The following TMEM74 variants were observed in gnomAD, a reference collection of about 807,000 sequenced individuals.
The protein encoded by TMEM74 is transmembrane protein 74.
Under a neutral mutation model 18.1 loss-of-function variants are expected in TMEM74, and 13 were observed. That is an observed-to-expected ratio of 0.72 (90% confidence interval 0.47 to 1.14). The LOEUF (loss-of-function observed/expected upper bound fraction) is 1.14. Among genes scored for constraint, TMEM74 ranks in the 50% most tolerant of loss-of-function variants. TMEM74 has a pLI of 0.00. For synonymous variants in TMEM74, 159 were observed against 146.6 expected, an observed-to-expected ratio of 1.08 and a Z score of -0.61; for missense variants, 372 against 375.9, an observed-to-expected ratio of 0.99 and a Z score of 0.09.
chr8:108,719,228 C>T (rs1293600943), intron 1 of TMEM74, among the ~76,000 whole-genome samples: 2 of 151,918 alleles, frequency 1.3e-5, no homozygotes, highest in African/African-American at 4.8e-5. Flanking sequence ...CAAACATTTA[C>T]AAAAATGGGA....
intron 1 of TMEM74, among the ~76,000 whole-genome samples, chr8:108,697,714 T>C (rs544648923): frequency 6.6e-6 from 1 of 152,336 alleles, no homozygotes; most frequent in South Asian, 2.1e-4. Context: ...AATTCCTTCT[T>C]ACTATGTGAA....
At chr8:108,695,667 C>G (rs1020711834) in intron 1 of TMEM74, among the ~76,000 whole-genome samples, 1 of 152,148 alleles carries the variant, frequency 6.6e-6, no homozygotes, top group South Asian at 2.1e-4. Context: ...GCACACTACA[C>G]CCCACCTTGA....
chr8:108,745,181 CT>C (rs1813837356), intron 1 of TMEM74, among the ~76,000 whole-genome samples: 1 of 152,098 alleles, frequency 6.6e-6, no homozygotes, highest in African/African-American at 2.4e-5. Flanking sequence ...GACCACTCTC[CT>C]AATTTCCCCA....
At chr8:108,649,318 A>T (rs904242615) in intron 2 of TMEM74, among the ~76,000 whole-genome samples, 1 of 152,194 alleles carries the variant, frequency 6.6e-6, no homozygotes, top group Non-Finnish European at 1.5e-5. Flanking sequence ...TCAGCTTTAC[A>T]TGACATTCAA....
chr8:108,637,126 C>G (rs1014163275), intron 2 of TMEM74, among the ~76,000 whole-genome samples: 4 of 152,066 alleles, frequency 2.6e-5, no homozygotes, highest in African/African-American at 9.7e-5. Flanking sequence ...ATTATATTCT[C>G]TAATTTGAGG....
intron 1 of TMEM74, among the ~76,000 whole-genome samples, chr8:108,732,438 G>T (rs1288376825): frequency 2.0e-5 from 3 of 152,038 alleles, no homozygotes; most frequent in Admixed American, 1.3e-4. Flanking sequence ...GAAATGCAAA[G>T]GACCTAGAAT....
chr8:108,714,403 G>A (rs190945312), intron 1 of TMEM74, among the ~76,000 whole-genome samples: 122 of 152,148 alleles, frequency 8.0e-4, no homozygotes, highest in East Asian at 1.2e-3. Context: ...TGAAATTCTC[G>A]GCAAAATTAC....
At chr8:108,786,903 AAG>A (rs1224245499) in intron 1 of TMEM74, among the ~76,000 whole-genome samples, 1 of 152,142 alleles carries the variant, frequency 6.6e-6, no homozygotes, top group Non-Finnish European at 1.5e-5. Context: ...CCTCTCTTTA[AAG>A]AAAAGCTACT....
At chr8:108,757,035 T>TC (rs1277399895) in intron 1 of TMEM74, among the ~76,000 whole-genome samples, 1 of 152,090 alleles carries the variant, frequency 6.6e-6, no homozygotes, top group African/African-American at 2.4e-5. Context: ...CCACAGTAAT[T>TC]CCATTAATCA....
chr8:108,677,605 C>T (rs575118612), intron 1 of TMEM74, among the ~76,000 whole-genome samples: 1 of 151,336 alleles, frequency 6.6e-6, no homozygotes, highest in East Asian at 1.9e-4. Flanking sequence ...GACTTTTTTC[C>T]AGAAATGCCT....
downstream of TMEM74, among the ~76,000 whole-genome samples, chr8:108,778,736 G>A (rs933294302): frequency 6.6e-6 from 1 of 152,140 alleles, no homozygotes; most frequent in East Asian, 1.9e-4. Context: ...TAGATTAAAA[G>A]CAGGTGCATA....
chr8:108,703,993 T>G (rs2130617590), intron 1 of TMEM74, among the ~76,000 whole-genome samples: 1 of 152,314 alleles, frequency 6.6e-6, no homozygotes, highest in South Asian at 2.1e-4. Flanking sequence ...TGCTGCCCCC[T>G]TCTGGAATAT....
intron 1 of TMEM74, among the ~76,000 whole-genome samples, chr8:108,704,074 C>G (rs1813365350): frequency 6.6e-6 from 1 of 152,126 alleles, no homozygotes; most frequent in South Asian, 2.1e-4. Flanking sequence ...TTAGAAAAGA[C>G]TTTAGTTAAG....
At chr8:108,754,480 A>C (rs1022967949) in intron 1 of TMEM74, among the ~76,000 whole-genome samples, 9 of 151,956 alleles carry the variant, frequency 5.9e-5, no homozygotes, top group Non-Finnish European at 1.5e-5. Context: ...TAGTCAATAA[A>C]ATATGGCAAA....
intron 1 of TMEM74, among the ~76,000 whole-genome samples, chr8:108,749,046 C>CAAGTGTA (rs1222033342): frequency 6.6e-6 from 1 of 152,020 alleles, no homozygotes; most frequent in Non-Finnish European, 1.5e-5. Flanking sequence ...GTTACTGTAA[C>CAAGTGTA]CCTCTAGTAT....
intron 1 of TMEM74, among the ~76,000 whole-genome samples, chr8:108,746,836 G>T (rs1270832393): frequency 1.3e-5 from 2 of 152,120 alleles, no homozygotes; most frequent in Non-Finnish European, 2.9e-5. Flanking sequence ...CATCCAGGCT[G>T]TTGAGCACCT....
At chr8:108,765,407 C>CTTTTTTTTTTTT (rs61334796) in intron 1 of TMEM74, among the ~76,000 whole-genome samples, 22,639 of 118,612 alleles carry the variant, frequency 0.19, 2,997 homozygotes, top group Non-Finnish European at 0.24. Flanking sequence ...TTTGGAACTA[C>CTTTTTTTTTTTT]TTTTTTTTTT....
intron 2 of TMEM74, among the ~76,000 whole-genome samples, chr8:108,632,854 C>T (rs1812568718): frequency 6.6e-6 from 1 of 151,962 alleles, no homozygotes; most frequent in South Asian, 2.1e-4. Flanking sequence ...GGATCACTCT[C>T]AGTTCTAAAA....
chr8:108,680,238 C>A (rs1037872117), intron 1 of TMEM74, among the ~76,000 whole-genome samples: 6 of 152,136 alleles, frequency 3.9e-5, no homozygotes, highest in African/African-American at 1.4e-4. Flanking sequence ...GACCAATATC[C>A]TTGATGAACA....
Sources: allele counts gnomAD v4.1 joint callset (sites outside exome capture counted in the v4.1 genomes callset), GRCh38; gene constraint gnomAD v4.1.1; transcripts MANE v1.5; gene names NCBI Gene and HGNC (gene_info 2026-07-23, HGNC 2026-07-21).